The following TENM2 variants were observed in gnomAD, a reference collection of about 807,000 sequenced individuals.
The protein encoded by TENM2 is teneurin-2.
Under a neutral mutation model 245.2 loss-of-function variants are expected in TENM2, and 52 were observed. The ratio of observed to expected loss-of-function variants is 0.21; its 90% CI spans 0.17 to 0.27. The LOEUF (loss-of-function observed/expected upper bound fraction) is 0.27. TENM2 is among the 10% of genes least tolerant of loss of function. The probability of loss-of-function intolerance (pLI) is 1.00; values close to 1 mark genes in which losing one functional copy is unlikely to be tolerated. For synonymous variants in TENM2, 1,363 were observed against 1,438.9 expected, an observed-to-expected ratio of 0.95 and a Z score of 1.19; for missense variants, 3,046 against 3,666.8, an observed-to-expected ratio of 0.83 and a Z score of 4.37.
intron 2 of TENM2, among the ~76,000 whole-genome samples, chr5:167,832,737 T>C (rs13436903): frequency 0.091 from 13,773 of 151,822 alleles, 833 homozygotes; most frequent in African/African-American, 0.16. Flanking sequence ...AAGAAAGAAA[T>C]ATATGTAGAG....
chr5:167,275,026 A>G, the TENM2 span, among the ~76,000 whole-genome samples: 1 of 152,036 alleles, frequency 6.6e-6, no homozygotes, highest in Non-Finnish European at 1.5e-5. Flanking sequence ...ATATACACAC[A>G]TATATTTATT....
intron 5 of TENM2, among the ~76,000 whole-genome samples, chr5:168,031,537 C>T (rs1330718508): frequency 2.0e-5 from 3 of 151,992 alleles, no homozygotes; most frequent in Non-Finnish European, 4.4e-5. Flanking sequence ...GTGGCAACCC[C>T]CCTGGGAGGT....
intron 24 of TENM2, among the ~76,000 whole-genome samples, 172 bp downstream of exon 26, chr5:168,226,435 G>GA (rs111305766): frequency 1.3e-5 from 2 of 152,210 alleles, no homozygotes; most frequent in African/African-American, 4.8e-5. Flanking sequence ...CAATCTTGTA[G>GA]AAAATGACTT....
At chr5:167,438,603 T>G (rs1180724338) in intron 2 of TENM2, among the ~76,000 whole-genome samples, 3 of 152,216 alleles carry the variant, frequency 2.0e-5, no homozygotes, top group Non-Finnish European at 4.4e-5. Flanking sequence ...TTCACGCTGT[T>G]AGCCAGGATG....
At chr5:167,115,114 C>CT in the TENM2 span, among the ~76,000 whole-genome samples, 2 of 152,132 alleles carry the variant, frequency 1.3e-5, no homozygotes, top group African/African-American at 4.8e-5. Flanking sequence ...AAATAAGAAA[C>CT]TTTTGTTACA....
intron 12 of TENM2, 142 bp from the exon 15 acceptor site, chr5:168,162,469 C>A: frequency 1.3e-6 from 1 of 790,874 alleles, no homozygotes; most frequent in Non-Finnish European, 2.0e-6. Flanking sequence ...GCTCCCCTGA[C>A]TCTGTGGAAG....
At chr5:167,980,835 C>G (rs1782780846) in intron 4 of TENM2, among the ~76,000 whole-genome samples, 1 of 152,056 alleles carries the variant, frequency 6.6e-6, no homozygotes, top group South Asian at 2.1e-4. Context: ...AAGAGGAAAT[C>G]AACTGATGAT....
chr5:168,046,580 G>C (rs925062519), intron 5 of TENM2, among the ~76,000 whole-genome samples: 3 of 152,178 alleles, frequency 2.0e-5, no homozygotes, highest in Non-Finnish European at 4.4e-5. Context: ...ACACAGGCAG[G>C]ATGACAAGGA....
intron 2 of TENM2, among the ~76,000 whole-genome samples, chr5:167,875,343 A>C (rs1393669354): frequency 1.3e-5 from 2 of 152,154 alleles, no homozygotes; most frequent in East Asian, 1.9e-4. Flanking sequence ...TGGTGTGTTC[A>C]AACAACAGAA....
intron 2 of TENM2, among the ~76,000 whole-genome samples, chr5:167,482,147 T>C (rs1767793561): frequency 6.6e-6 from 1 of 152,176 alleles, no homozygotes; most frequent in Non-Finnish European, 1.5e-5. Context: ...CAGGATATAA[T>C]TGGAAACTCT....
At chr5:167,319,911 AAT>A (rs1269871458) in intron 1 of TENM2, among the ~76,000 whole-genome samples, 1 of 152,204 alleles carries the variant, frequency 6.6e-6, no homozygotes, top group Non-Finnish European at 1.5e-5. Flanking sequence ...ATATGCAACC[AAT>A]CTTTGACCAT....
At chr5:168,148,904 T>C (rs1053667844) in intron 12 of TENM2, among the ~76,000 whole-genome samples, 2 of 136,024 alleles carry the variant, frequency 1.5e-5, no homozygotes, top group Non-Finnish European at 3.3e-5. Flanking sequence ...GATAGATAGA[T>C]AGATAGATAG....
chr5:168,233,109 C>T (rs567362197), intron 25 of TENM2, among the ~76,000 whole-genome samples: 48 of 152,266 alleles, frequency 3.2e-4, no homozygotes, highest in African/African-American at 9.4e-4. Context: ...GGGTGGATCA[C>T]GAGGTCAGGA....
chr5:167,353,505 T>TTTG (rs1759083970), intron 1 of TENM2, among the ~76,000 whole-genome samples: 5 of 97,498 alleles, frequency 5.1e-5, no homozygotes, highest in Admixed American at 4.4e-4. Context: ...TTGTTGTTTT[T>TTTG]TTTTTTTTTT....
chr5:168,145,561 C>T (rs1377449202), intron 12 of TENM2, among the ~76,000 whole-genome samples: 1 of 148,644 alleles, frequency 6.7e-6, no homozygotes, highest in Non-Finnish European at 1.5e-5. Context: ...GGTACCAGTA[C>T]CATGCTGTTT....
chr5:167,455,817 A>G (rs1765886550), intron 2 of TENM2, among the ~76,000 whole-genome samples: 2 of 152,198 alleles, frequency 1.3e-5, no homozygotes, highest in Middle Eastern at 3.4e-3. Flanking sequence ...CCTTTTTTCA[A>G]AAGACACCCA....
chr5:167,168,867 C>G, the TENM2 span, among the ~76,000 whole-genome samples: 2 of 152,216 alleles, frequency 1.3e-5, no homozygotes, highest in African/African-American at 4.8e-5. Context: ...TCAAGCGATT[C>G]TCCTGCCTCA....
chr5:167,048,951 A>G, the TENM2 span, among the ~76,000 whole-genome samples: 1 of 152,188 alleles, frequency 6.6e-6, no homozygotes, highest in East Asian at 1.9e-4. Context: ...ATGGCGAAGT[A>G]GGGAAAGGGG....
At chr5:167,469,029 T>C (rs1161662916) in intron 2 of TENM2, among the ~76,000 whole-genome samples, 1 of 152,190 alleles carries the variant, frequency 6.6e-6, no homozygotes, top group Non-Finnish European at 1.5e-5. Context: ...TTTTCCTATA[T>C]TTAAAAGAAG....
Sources: allele counts gnomAD v4.1 joint callset (sites outside exome capture counted in the v4.1 genomes callset), GRCh38; gene constraint gnomAD v4.1.1; transcripts MANE v1.5; gene names NCBI Gene and HGNC (gene_info 2026-07-23, HGNC 2026-07-21).